SLC9A9: variants seen among roughly 807,000 people sequenced by gnomAD.
The protein encoded by SLC9A9 is sodium/hydrogen exchanger 9.
In SLC9A9, 62 loss-of-function variants were observed where a neutral mutation model predicts 77.8. The ratio of observed to expected loss-of-function variants is 0.80; its 90% confidence interval spans 0.65 to 0.98. The LOEUF (loss-of-function observed/expected upper bound fraction) is 0.98. SLC9A9 is among the 50% of genes least tolerant of loss of function. The probability of loss-of-function intolerance (pLI) is 0.00; values close to 1 mark genes in which losing one functional copy is unlikely to be tolerated. For missense variants in SLC9A9, 775 were observed against 774.9 expected (o/e 1.00, Z 0.00); for synonymous variants, 320 against 283.5 (o/e 1.13, Z -1.29).
intron 14 of SLC9A9, among the ~76,000 whole-genome samples, chr3:143,334,685 T>A (rs574028692): frequency 1.0e-3 from 155 of 152,318 alleles, no homozygotes; most frequent in African/African-American, 3.6e-3. Context: ...ATATTCTGAT[T>A]ATAAAGTGAC....
intron 14 of SLC9A9, among the ~76,000 whole-genome samples, chr3:143,295,603 G>A (rs1237295206): frequency 6.6e-6 from 1 of 152,162 alleles, no homozygotes; most frequent in African/African-American, 2.4e-5. Flanking sequence ...CTTAAAGAAA[G>A]GTTGCCCCTA....
chr3:143,276,132 A>G (rs747950622), intron 14 of SLC9A9, among the ~76,000 whole-genome samples: 2 of 152,130 alleles, frequency 1.3e-5, no homozygotes, highest in African/African-American at 4.8e-5. Context: ...GAGGGAGCCC[A>G]TGTGGATCCA....
chr3:143,508,630 T>G (rs1178831445), intron 9 of SLC9A9, among the ~76,000 whole-genome samples: 1 of 152,226 alleles, frequency 6.6e-6, no homozygotes, highest in East Asian at 1.9e-4. Flanking sequence ...TATATTCTAC[T>G]GTAATGGTAC....
intron 14 of SLC9A9, among the ~76,000 whole-genome samples, chr3:143,305,825 G>C (rs969004415): frequency 6.6e-6 from 1 of 152,162 alleles, no homozygotes; most frequent in African/African-American, 2.4e-5. Flanking sequence ...CTGGAAACAC[G>C]GCTTGAGTTA....
intron 5 of SLC9A9, among the ~76,000 whole-genome samples, chr3:143,652,963 C>CT (rs2038825707): frequency 6.6e-6 from 1 of 152,168 alleles, no homozygotes; most frequent in African/African-American, 2.4e-5. Flanking sequence ...ACAGAAAGGA[C>CT]TGGGAGCTCC....
At chr3:143,580,468 C>T (rs544760431) in intron 6 of SLC9A9, among the ~76,000 whole-genome samples, 2 of 152,258 alleles carry the variant, frequency 1.3e-5, no homozygotes, top group East Asian at 1.9e-4. Context: ...GAATTCTGAG[C>T]GCTCCCATCA....
chr3:143,811,617 G>T (rs1232326463), intron 2 of SLC9A9: 2 of 451,360 alleles, frequency 4.4e-6, no homozygotes, highest in Non-Finnish European at 8.9e-6. Flanking sequence ...AGGCCGACGT[G>T]GGTGGATCAT....
chr3:143,762,928 T>C (rs1281134968), intron 4 of SLC9A9, among the ~76,000 whole-genome samples: 1 of 152,068 alleles, frequency 6.6e-6, no homozygotes, highest in African/African-American at 2.4e-5. Context: ...AGACAAACAG[T>C]GGGAAGCAAT....
intron 11 of SLC9A9, among the ~76,000 whole-genome samples, chr3:143,488,984 T>G (rs1032607174): frequency 6.6e-6 from 1 of 151,894 alleles, no homozygotes; most frequent in Non-Finnish European, 1.5e-5. Flanking sequence ...ATATGTAGAA[T>G]TTCCTAAAGA....
chr3:143,670,384 C>G (rs962778413), intron 5 of SLC9A9, among the ~76,000 whole-genome samples: 3 of 152,190 alleles, frequency 2.0e-5, no homozygotes, highest in African/African-American at 7.2e-5. Flanking sequence ...AGAACAATGT[C>G]AAGAAAAGTG....
chr3:143,607,696 G>C (rs539023007), intron 6 of SLC9A9, among the ~76,000 whole-genome samples: 115 of 151,942 alleles, frequency 7.6e-4, no homozygotes, highest in African/African-American at 2.7e-3. Flanking sequence ...GGGACATAGA[G>C]AATTCAATAA....
intron 6 of SLC9A9, among the ~76,000 whole-genome samples, chr3:143,624,367 G>T (rs567766000): frequency 3.9e-5 from 6 of 152,160 alleles, no homozygotes; most frequent in African/African-American, 1.2e-4. Context: ...AAATCCTCAA[G>T]AAAATACTGG....
chr3:143,361,673 T>A (rs752400864), intron 14 of SLC9A9, among the ~76,000 whole-genome samples: 2 of 152,134 alleles, frequency 1.3e-5, no homozygotes, highest in East Asian at 1.9e-4. Flanking sequence ...TAAATTACCA[T>A]GAGAAGAGAT....
chr3:143,766,255 T>A (rs996950908), intron 4 of SLC9A9, among the ~76,000 whole-genome samples: 1 of 152,112 alleles, frequency 6.6e-6, no homozygotes, highest in Non-Finnish European at 1.5e-5. Flanking sequence ...CAATTTAGAA[T>A]ATAGGATAGA....
intron 2 of SLC9A9, among the ~76,000 whole-genome samples, chr3:143,827,151 C>T (rs951505079): frequency 1.3e-5 from 2 of 152,162 alleles, no homozygotes; most frequent in African/African-American, 2.4e-5. Context: ...ATTTGGTAGA[C>T]ATTTTGGTAT....
At chr3:143,284,684 T>C (rs1309646824) in intron 14 of SLC9A9, among the ~76,000 whole-genome samples, 1 of 152,208 alleles carries the variant, frequency 6.6e-6, no homozygotes, top group African/African-American at 2.4e-5. Flanking sequence ...CTGGATCTTA[T>C]GAGATTTCCA....
At chr3:143,835,330 A>T (rs975154222) in intron 1 of SLC9A9, among the ~76,000 whole-genome samples, 3 of 152,228 alleles carry the variant, frequency 2.0e-5, no homozygotes, top group Non-Finnish European at 4.4e-5. Flanking sequence ...AGGGTTGAGA[A>T]GAAACAACAT....
chr3:143,270,547 T>C (rs1937868956), intron 14 of SLC9A9, among the ~76,000 whole-genome samples: 2 of 152,030 alleles, frequency 1.3e-5, no homozygotes, highest in East Asian at 1.9e-4. Flanking sequence ...AAAATGTCTT[T>C]ATGGAGGTGA....
intron 14 of SLC9A9, among the ~76,000 whole-genome samples, chr3:143,288,817 TG>T (rs377071578): frequency 1.6e-4 from 25 of 152,280 alleles, no homozygotes; most frequent in Non-Finnish European, 3.4e-4. Context: ...CAGCTAAAAA[TG>T]GTCAGATAGA....
Sources: allele counts gnomAD v4.1 joint callset (sites outside exome capture counted in the v4.1 genomes callset), GRCh38; gene constraint gnomAD v4.1.1; transcripts MANE v1.5; gene names NCBI Gene and HGNC (gene_info 2026-07-23, HGNC 2026-07-21).